The following TM4SF4 variants were observed in gnomAD, a reference collection of about 807,000 sequenced individuals.
The protein encoded by TM4SF4 is transmembrane 4 L6 family member 4.
A neutral mutation model predicts 24.1 loss-of-function variants in TM4SF4; 24 were observed. The observed-to-expected ratio is 1.00, with a 90% CI of 0.72 to 1.40. The LOEUF (loss-of-function observed/expected upper bound fraction) is 1.40. Ranked by LOEUF, TM4SF4 falls within the 40% of genes most tolerant of loss-of-function variation. TM4SF4 has a pLI of 0.00. For synonymous variants in TM4SF4, 113 were observed against 97.0 expected (o/e 1.17, Z -0.97); for missense variants, 254 against 254.2 (o/e 1.00, Z 0.01).
chr3:149,485,218 A>G (rs1360469063), intron 2 of TM4SF4, among the ~76,000 whole-genome samples: 1 of 152,240 alleles, frequency 6.6e-6, no homozygotes, highest in East Asian at 1.9e-4. Context: ...TTCATGTTTC[A>G]TAAGTACTAT....
chr3:149,495,408 G>T, intron 3 of TM4SF4: 1 of 341,876 alleles, frequency 2.9e-6, no homozygotes. Flanking sequence ...CTACAAAGTT[G>T]GTGGCATTGG....
intron 2 of TM4SF4, among the ~76,000 whole-genome samples, chr3:149,477,586 A>C (rs749822401): frequency 2.0e-5 from 3 of 152,266 alleles, no homozygotes; most frequent in Non-Finnish European, 4.4e-5. Flanking sequence ...TCCAATGTGC[A>C]TACATTACAG....
At chr3:149,489,887 T>G (rs976375415) in intron 3 of TM4SF4, among the ~76,000 whole-genome samples, 2 of 152,178 alleles carry the variant, frequency 1.3e-5, no homozygotes, top group African/African-American at 4.8e-5. Flanking sequence ...GAATTCTCTA[T>G]TTATCTCCTG....
At chr3:149,485,783 A>ACCC (rs1048147972) in intron 2 of TM4SF4, among the ~76,000 whole-genome samples, 3 of 147,206 alleles carry the variant, frequency 2.0e-5, no homozygotes, top group African/African-American at 7.3e-5. Context: ...ACAGGGCAAG[A>ACCC]CCCTGTCTAA....
At chr3:149,498,971 C>A in intron 4 of TM4SF4, 60 bp downstream of exon 4, 1 of 1,572,902 alleles carries the variant, frequency 6.4e-7, no homozygotes, top group Non-Finnish European at 8.7e-7. Context: ...AGGCCACTAG[C>A]ATAAGGGAGG....
chr3:149,479,103 A>C (rs1426999400), intron 2 of TM4SF4, among the ~76,000 whole-genome samples: 1 of 152,098 alleles, frequency 6.6e-6, no homozygotes, highest in African/African-American at 2.4e-5. Context: ...CAATTTTTAA[A>C]AATTCAGAGA....
chr3:149,487,501 T>G, intron 2 of TM4SF4, 118 bp from the exon 3 acceptor site: 3 of 1,264,984 alleles, frequency 2.4e-6, no homozygotes, highest in Non-Finnish European at 2.2e-6. Context: ...CTATAAAGAC[T>G]AGCTCCTACT....
Position 149,493,606 on chromosome 3 carries a change from A to G in TM4SF4, c.402-5116A>G, listed in dbSNP as rs553794421. Among the ~76,000 whole-genome samples, 27 of 152,356 alleles carry G rather than the reference A, an allele frequency of 1.8e-4. No individual in the cohort carries two copies. In the South Asian group the frequency reaches 2.7e-3, roughly 15 times the overall value. The stretch of plus-strand genomic sequence containing the variant: ...GAAAGCAGCTAGCCCAGAGCCTGGC[A>G]CTAGAGGACCCAGGAAATGAGAGCT... On this transcript the variant is annotated intron_variant, in intron 3 of 4. Transcript: ENST00000305354.
At chr3:149,487,940 G>T (rs1329712809) in intron 3 of TM4SF4, among the ~76,000 whole-genome samples, 185 bp downstream of exon 3, 1 of 152,196 alleles carries the variant, frequency 6.6e-6, no homozygotes, top group Non-Finnish European at 1.5e-5. Context: ...ACCTCTAATT[G>T]CTCCTTTGAC....
At chr3:149,476,810 TTTTG>T (rs1374677400) in intron 2 of TM4SF4, among the ~76,000 whole-genome samples, 4 of 54,642 alleles carry the variant, frequency 7.3e-5, no homozygotes, top group Non-Finnish European at 1.2e-4. Context: ...TTGTTTTTGT[TTTTG>T]TTTTTTTTTT....
intron 2 of TM4SF4, among the ~76,000 whole-genome samples, chr3:149,479,596 G>GA (rs146244136): frequency 0.033 from 5,084 of 152,258 alleles, 91 homozygotes; most frequent in Middle Eastern, 0.065. Context: ...CTAAACTGCT[G>GA]AAGTTCTGAA....
intron 4 of TM4SF4, 84 bp from the exon 5 acceptor site, chr3:149,502,592 G>T: frequency 1.1e-6 from 1 of 892,332 alleles, no homozygotes; most frequent in South Asian, 1.3e-5. Context: ...GAGGAAGGCA[G>T]GTGATGGGGA....
At chr3:149,480,632 C>T (rs901458089) in intron 2 of TM4SF4, among the ~76,000 whole-genome samples, 7 of 152,126 alleles carry the variant, frequency 4.6e-5, no homozygotes, top group Non-Finnish European at 8.8e-5. Flanking sequence ...TCTGGGGACT[C>T]CCTCTTGCAG....
chr3:149,491,769 A>G (rs183975676), intron 3 of TM4SF4, among the ~76,000 whole-genome samples: 4 of 152,236 alleles, frequency 2.6e-5, no homozygotes, highest in Admixed American at 2.0e-4. Context: ...CTTCTTCGAG[A>G]AGGTGACATG....
Position 149,502,870 on chromosome 3 carries a change from C to A in TM4SF4, c.*177C>A. On this transcript the variant is annotated 3_prime_UTR_variant, in exon 5 of 5. Transcript: ENST00000305354. The stretch of plus-strand genomic sequence containing the variant: ...GCTCGAGTTAGAATTTTGTTATTTT[C>A]AAATAAAAAATAGTTTGGCCACTTA... 2.1e-6 allele frequency: 1 copy of A among 472,032 alleles called. No homozygotes were observed. Among genetic ancestry groups the A allele is most frequent in the Non-Finnish European group, 3.8e-6 (1 of 265,324 alleles). The allele number at this position is 472,032 out of a possible 1,614,324, so 29.2% of individuals were successfully genotyped here.
At chr3:149,495,704 G>A in intron 3 of TM4SF4, 1 of 238,634 alleles carries the variant, frequency 4.2e-6, no homozygotes. Context: ...CCCCTCTGCT[G>A]CTAGTCACAC....
intron 4 of TM4SF4, among the ~76,000 whole-genome samples, chr3:149,502,463 G>A (rs1204269007): frequency 6.6e-6 from 1 of 152,024 alleles, no homozygotes; most frequent in Admixed American, 6.6e-5. Context: ...AATACATGAT[G>A]CAAAACAAAA....
intron 4 of TM4SF4, 87 bp from the exon 5 acceptor site, chr3:149,502,589 G>A (rs1734448846): frequency 2.3e-6 from 2 of 874,174 alleles, no homozygotes; most frequent in African/African-American, 1.6e-5. Context: ...CAGGAGGAAG[G>A]CAGGTGATGG....
rs575658494 is a variant in TM4SF4, at chr3:149,494,328, T to G, written c.402-4394T>G. Among the ~76,000 whole-genome samples, 3 of 152,296 alleles carry G rather than the reference T, an allele frequency of 2.0e-5. No homozygotes were observed. In the East Asian group the frequency reaches 5.8e-4, roughly 29 times the overall value. On this transcript the variant is annotated intron_variant, in intron 3 of 4. Coordinates refer to ENST00000305354, the MANE Select transcript of TM4SF4 (RefSeq NM_004617.4). ...CCAGGCAACCAAATTCAATCCTTGCTTCTACGTTCGCCGTAAACGTTTCAC... is the reference window on the plus strand; with the variant it reads ...CCAGGCAACCAAATTCAATCCTTGCGTCTACGTTCGCCGTAAACGTTTCAC...
Sources: allele counts gnomAD v4.1 joint callset (sites outside exome capture counted in the v4.1 genomes callset), GRCh38; gene constraint gnomAD v4.1.1; transcripts MANE v1.5; gene names NCBI Gene and HGNC (gene_info 2026-07-23, HGNC 2026-07-21).